Variants in WDFY2 observed in about 807,000 individuals in gnomAD.
WDFY2 encodes the protein WD repeat and FYVE domain containing 2, also known as WD repeat and FYVE domain-containing protein 2.
WDFY2 carries 36 observed loss-of-function variants against 56.4 expected under a neutral mutation model. That is an observed-to-expected ratio of 0.64 (90% CI 0.49 to 0.84). WDFY2 has a LOEUF of 0.84. Ranked by LOEUF, WDFY2 falls within the 40% of genes least tolerant of loss-of-function variation. WDFY2 has a pLI of 0.00. For synonymous variants in WDFY2, 176 were observed against 183.7 expected (o/e 0.96, Z 0.34); for missense variants, 444 against 512.2 (o/e 0.87, Z 1.29).
At chr13:51,588,945 A>C (rs2138281575) in intron 1 of WDFY2, 1 of 152,250 alleles carries the variant, frequency 6.6e-6, no homozygotes, top group African/African-American at 2.4e-5. Flanking sequence ...ATAGAGAAGA[A>C]AGTTACTGGG....
chr13:51,723,573 C>T (rs1284055311), intron 5 of WDFY2, among the ~76,000 whole-genome samples: 1 of 152,182 alleles, frequency 6.6e-6, no homozygotes, highest in Non-Finnish European at 1.5e-5. Flanking sequence ...CTACTCTCCT[C>T]ACATATTTTC....
chr13:51,621,160 T>C (rs1954718525), intron 1 of WDFY2, among the ~76,000 whole-genome samples: 1 of 152,216 alleles, frequency 6.6e-6, no homozygotes, highest in Non-Finnish European at 1.5e-5. Context: ...AACGCATACT[T>C]TTAATAGATT....
At chr13:51,709,797 G>C (rs1045985050) in intron 4 of WDFY2, among the ~76,000 whole-genome samples, 21 of 151,888 alleles carry the variant, frequency 1.4e-4, no homozygotes, top group Non-Finnish European at 2.4e-4. Context: ...TAATTAATAG[G>C]CTACCAACCA....
intron 1 of WDFY2, among the ~76,000 whole-genome samples, chr13:51,617,014 C>T (rs1407385481): frequency 2.0e-5 from 3 of 152,182 alleles, no homozygotes; most frequent in South Asian, 2.1e-4. Flanking sequence ...TAAAATGATT[C>T]GTATATATTT....
intron 1 of WDFY2, among the ~76,000 whole-genome samples, chr13:51,650,369 G>A (rs1407642776): frequency 6.6e-6 from 1 of 152,168 alleles, no homozygotes; most frequent in African/African-American, 2.4e-5. Flanking sequence ...AACAGGGACA[G>A]TTTAACTTCC....
intron 3 of WDFY2, among the ~76,000 whole-genome samples, chr13:51,695,248 G>A (rs1951841878): frequency 6.6e-6 from 1 of 152,198 alleles, no homozygotes; most frequent in Non-Finnish European, 1.5e-5. Context: ...TTTGGAGGAG[G>A]AGAGGCGCTC....
rs549157442 is a variant in WDFY2, at chr13:51,700,139, T to TA, written c.280-3449dup. Among the ~76,000 whole-genome samples the TA allele has an allele frequency of 5.0e-3, 755 of 152,048 alleles. 5 individuals carry two copies. Among genetic ancestry groups the TA allele is most frequent in the African/African-American group, 0.014 (593 of 41,512 alleles). ...GTTCATATATGTTTGTATAAGGGTT[T>TA]AAAAAAAAGACATGGAGGGATACGC... On this transcript the variant is annotated intron_variant, in intron 3 of 11. Coordinates refer to ENST00000298125, the MANE Select transcript of WDFY2 (RefSeq NM_052950.4).
chr13:51,694,764 T>C (rs1350014822), intron 3 of WDFY2, among the ~76,000 whole-genome samples: 1 of 152,210 alleles, frequency 6.6e-6, no homozygotes, highest in East Asian at 1.9e-4. Context: ...CTGGATAATA[T>C]CCTGCAGAGT....
At position 51,758,286 on chromosome 13, in the gene WDFY2, G is replaced by A. The variant is rs1593485639; in HGVS notation, c.1159G>A (p.Asp387Asn). ...TRGWLLTSGT[D>N]KVIKLWDMTP... ...AGGATGGTTACTGACTTCTGGAACT[G>A]ACAAGGTTATTAAGGTAAGATGCCA... Residue 387 changes from aspartate to asparagine, a missense_variant, in exon 11 of 12, where the codon GAC becomes AAC. By Grantham distance (23) the Asp-to-Asn change is conservative. Coordinates refer to ENST00000298125, the MANE Select transcript of WDFY2 (RefSeq NM_052950.4). 4.4e-6 allele frequency: 7 copies of A among 1,591,562 alleles called. No homozygotes were observed. The highest frequency in any genetic ancestry group is 6.0e-6 in the Non-Finnish European group (7 of 1,162,764).
chr13:51,638,873 C>G (rs1955102151), intron 1 of WDFY2, among the ~76,000 whole-genome samples: 2 of 152,130 alleles, frequency 1.3e-5, no homozygotes, highest in African/African-American at 4.8e-5. Flanking sequence ...AGCTCAAGCT[C>G]AAGATTCTTT....
At chr13:51,607,225 G>C (rs1024843144) in intron 1 of WDFY2, among the ~76,000 whole-genome samples, 5 of 152,170 alleles carry the variant, frequency 3.3e-5, no homozygotes, top group Admixed American at 3.3e-4. Context: ...CATAATTTGT[G>C]CAAAGTCCAG....
intron 3 of WDFY2, among the ~76,000 whole-genome samples, chr13:51,702,438 T>C (rs1952004782): frequency 6.6e-6 from 1 of 152,214 alleles, no homozygotes; most frequent in Non-Finnish European, 1.5e-5. Flanking sequence ...ACAAGTTGAA[T>C]AATGTTATTA....
intron 7 of WDFY2, among the ~76,000 whole-genome samples, chr13:51,750,692 A>G (rs1429740849): frequency 6.6e-6 from 1 of 152,222 alleles, no homozygotes; most frequent in African/African-American, 2.4e-5. Flanking sequence ...AGCCATGCAC[A>G]AACTAGAAAG....
intron 1 of WDFY2, among the ~76,000 whole-genome samples, chr13:51,654,568 T>A (rs1955471587): frequency 6.6e-6 from 1 of 152,298 alleles, no homozygotes; most frequent in African/African-American, 2.4e-5. Flanking sequence ...TTTCCCCCAA[T>A]ACCCTAACCT....
intron 3 of WDFY2, among the ~76,000 whole-genome samples, chr13:51,682,147 A>T (rs1344194829): frequency 6.6e-6 from 1 of 152,154 alleles, no homozygotes; most frequent in African/African-American, 2.4e-5. Context: ...TACTGAAGAG[A>T]TTCAGTAGAG....
At position 51,712,296 on chromosome 13, in the gene WDFY2, G is replaced by A. The variant is rs548282665; in HGVS notation, c.335-6902G>A. 5.9e-5 allele frequency among the ~76,000 whole-genome samples: 9 copies of A among 152,262 alleles called. No homozygotes were observed. In the South Asian group the frequency reaches 1.2e-3, roughly 21 times the overall value. ...GGAACATCACACGCTGGGGCCTATC[G>A]TGGTGTGGGGGGAGCGGGGAGGGAT... On this transcript the variant is annotated intron_variant, in intron 4 of 11. Transcript: ENST00000298125.
At chr13:51,702,448 A>C (rs1952004933) in intron 3 of WDFY2, among the ~76,000 whole-genome samples, 1 of 152,232 alleles carries the variant, frequency 6.6e-6, no homozygotes, top group African/African-American at 2.4e-5. Context: ...TAATGTTATT[A>C]CTGAGAAAAT....
At chr13:51,597,350 T>G (rs1279500899) in intron 1 of WDFY2, among the ~76,000 whole-genome samples, 2 of 152,240 alleles carry the variant, frequency 1.3e-5, no homozygotes, top group Non-Finnish European at 2.9e-5. Flanking sequence ...TTCATTGATG[T>G]CCTTACCATT....
chr13:51,712,764 C>T (rs1036142045), intron 4 of WDFY2, among the ~76,000 whole-genome samples: 3 of 150,104 alleles, frequency 2.0e-5, no homozygotes, highest in Non-Finnish European at 3.0e-5. Context: ...AGAGAAAATG[C>T]AAATTATCAA....
Sources: gnomAD v4.1 joint callset for allele counts (sites outside exome capture counted in the v4.1 genomes callset) on GRCh38, gnomAD v4.1.1 for gene constraint, MANE v1.5 for transcripts, NCBI Gene and HGNC (gene_info 2026-07-23, HGNC 2026-07-21) for gene names.